The following UQCRC2 variants were observed in gnomAD, a reference collection of about 807,000 sequenced individuals.
The protein encoded by UQCRC2 is cytochrome b-c1 complex subunit 2, mitochondrial.
A neutral mutation model predicts 55.6 loss-of-function variants in UQCRC2; 49 were observed. The observed-to-expected ratio is 0.88, with a 90% CI of 0.70 to 1.12. UQCRC2 has a LOEUF of 1.12. UQCRC2 is among the 50% of genes most tolerant of loss of function. The pLI is 0.00. For missense variants in UQCRC2, 506 were observed against 547.8 expected, an observed-to-expected ratio of 0.92 and a Z score of 0.76; for synonymous variants, 193 against 192.0, an observed-to-expected ratio of 1.01 and a Z score of -0.04.
At chr16:21,969,566 A>G (rs1022750428) in intron 8 of UQCRC2, among the ~76,000 whole-genome samples, 2 of 152,112 alleles carry the variant, frequency 1.3e-5, no homozygotes, top group Non-Finnish European at 2.9e-5. Context: ...ACACTCATAG[A>G]CCCAGTGACT....
rs1159022241 is a variant in UQCRC2, at chr16:21,981,799, C to A, written c.1278+1099C>A. Among the ~76,000 whole-genome samples the A allele has an allele frequency of 2.0e-5, 3 of 151,750 alleles. No individual in the cohort carries two copies. In the East Asian group the frequency reaches 5.9e-4, roughly 30 times the overall value. The stretch of plus-strand genomic sequence containing the variant: ...AGACAAGGCTATTTTAAGATAGTAA[C>A]CCTGACTTGATTTCACTTCGCCCCA... On this transcript the variant is annotated intron_variant, in intron 13 of 13. Transcript: ENST00000268379.
chr16:21,957,132 C>A, intron 1 of UQCRC2, 103 bp from the exon 2 acceptor site: 1 of 1,073,914 alleles, frequency 9.3e-7, no homozygotes, highest in Non-Finnish European at 1.4e-6. Context: ...GCTCCTTCCA[C>A]CCCCGAACAC....
intron 4 of UQCRC2, chr16:21,959,930 A>G (rs1317223340): frequency 2.0e-5 from 3 of 152,206 alleles, no homozygotes; most frequent in Non-Finnish European, 2.9e-5. Flanking sequence ...TCAGTCAACC[A>G]TGCTATAAAC....
At chr16:21,976,376 C>A in intron 12 of UQCRC2, 133 bp downstream of exon 12, 1 of 707,358 alleles carries the variant, frequency 1.4e-6, no homozygotes, top group Non-Finnish European at 2.3e-6. Flanking sequence ...GGAAACATAC[C>A]CATATCCTAC....
At chr16:21,976,416 GC>G in intron 12 of UQCRC2, 173 bp downstream of exon 12, 1 of 568,190 alleles carries the variant, frequency 1.8e-6, no homozygotes. Flanking sequence ...TAACATTTTG[GC>G]CAGGCACAGT....
chr16:21,973,192 A>G (rs567637898), intron 10 of UQCRC2, among the ~76,000 whole-genome samples: 6 of 152,360 alleles, frequency 3.9e-5, no homozygotes, highest in South Asian at 2.1e-4. Flanking sequence ...TTTATTGTAC[A>G]TAAGAATTAC....
intron 8 of UQCRC2, among the ~76,000 whole-genome samples, chr16:21,969,423 A>G (rs1470048321): frequency 1.3e-5 from 2 of 152,110 alleles, no homozygotes; most frequent in African/African-American, 4.8e-5. Flanking sequence ...AATCCCAGCT[A>G]TCGGGGGGCT....
intron 5 of UQCRC2, 98 bp downstream of exon 5, chr16:21,962,614 A>C: frequency 6.3e-7 from 1 of 1,593,386 alleles, no homozygotes; most frequent in Non-Finnish European, 8.6e-7. Flanking sequence ...TCTGACTTCC[A>C]TTTTGGATTA....
At chr16:21,960,945 C>G (rs1471457056) in intron 4 of UQCRC2, among the ~76,000 whole-genome samples, 1 of 152,110 alleles carries the variant, frequency 6.6e-6, no homozygotes, top group African/African-American at 2.4e-5. Context: ...ATTCTTCTCC[C>G]TCCGCTTCCC....
intron 7 of UQCRC2, among the ~76,000 whole-genome samples, chr16:21,967,351 G>T (rs1483903699): frequency 6.6e-6 from 1 of 151,960 alleles, no homozygotes; most frequent in Non-Finnish European, 1.5e-5. Context: ...AGCCTTTCTA[G>T]CCATTTTTTT....
intron 11 of UQCRC2, 124 bp downstream of exon 11, chr16:21,974,100 T>C: frequency 2.6e-6 from 2 of 775,788 alleles, no homozygotes; most frequent in South Asian, 2.0e-5. Flanking sequence ...GAGCTCTGTA[T>C]AGTATGATGT....
intron 4 of UQCRC2, chr16:21,959,593 A>G (rs1431566757): frequency 6.5e-6 from 1 of 152,868 alleles, no homozygotes; most frequent in Non-Finnish European, 1.5e-5. Flanking sequence ...GTTAATGTTG[A>G]TACTTTGACA....
At chr16:21,957,729 G>C (rs774484783) in intron 3 of UQCRC2, among the ~76,000 whole-genome samples, 163 bp downstream of exon 3, 6 of 152,186 alleles carry the variant, frequency 3.9e-5, no homozygotes, top group Non-Finnish European at 7.3e-5. Flanking sequence ...TCCTGTTACA[G>C]TTCTAGAGGC....
At chr16:21,960,962 C>G (rs921995817) in intron 4 of UQCRC2, among the ~76,000 whole-genome samples, 35 of 152,226 alleles carry the variant, frequency 2.3e-4, no homozygotes, top group African/African-American at 6.7e-4. Flanking sequence ...TCCCAAGTAG[C>G]TAGGACTATA....
At position 21,976,248 on chromosome 16, in the gene UQCRC2, G is replaced by C. The variant is rs1430033430; in HGVS notation, c.1124+5G>C. The C allele has an allele frequency of 3.1e-6, 5 of 1,608,414 alleles. No individual in the cohort carries two copies. The South Asian group carries it at 5.5e-5, about 18-fold the overall frequency. ...CACAGATGTCCAAGCTGCCAAGTAA[G>C]TCTCAGTATTAACTGTGTTTTATGT... is the stretch of plus-strand genomic sequence containing the variant. On this transcript the variant is annotated splice_donor_5th_base_variant and intron_variant, in intron 12 of 13. Coordinates refer to ENST00000268379, the MANE Select transcript of UQCRC2 (RefSeq NM_003366.4).
Position 21,983,277 on chromosome 16 carries a change from G to A in UQCRC2, c.*106G>A. 1 of 1,009,590 alleles carries A rather than the reference G, an allele frequency of 9.9e-7. No homozygotes were observed. Among genetic ancestry groups the A allele is most frequent in the Non-Finnish European group, 1.5e-6 (1 of 686,106 alleles). The allele number at this position is 1,009,590 out of a possible 1,614,324, so 62.5% of individuals were successfully genotyped here. On this transcript the variant is annotated 3_prime_UTR_variant, in exon 14 of 14. Coordinates refer to ENST00000268379, the MANE Select transcript of UQCRC2 (RefSeq NM_003366.4). ...ATATATCATTTGTCTTTTTTCCAGT[G>A]AGGTAAAATAAGGCATAAATGCAGG...
intron 4 of UQCRC2, chr16:21,962,175 T>G (rs935678766): frequency 7.8e-6 from 3 of 382,306 alleles, no homozygotes; most frequent in African/African-American, 6.1e-5. Flanking sequence ...CATACAATAT[T>G]TGTCCCTTTG....
At chr16:21,957,382 A>G (rs750382567) in intron 2 of UQCRC2, 35 bp from the exon 3 acceptor site, 9 of 1,613,864 alleles carry the variant, frequency 5.6e-6, no homozygotes, top group Non-Finnish European at 7.6e-6. Context: ...TAATACGAAG[A>G]CATTCATTAT....
Position 21,962,488 on chromosome 16 carries a change from TA to T in UQCRC2, c.362del (p.Tyr121LeufsTer13). 1 of 1,614,186 alleles carries T rather than the reference TA, an allele frequency of 6.2e-7. No individual in the cohort carries two copies. Among genetic ancestry groups the T allele is most frequent in the African/African-American group, 1.3e-5 (1 of 75,058 alleles). ...GACCGCAACAAGGGAAAACATGGCT[TA>T]TACTGTGGAATGCCTGCGGGGTGAT... ...SVTATRENMA[Y>X]TVECLRGDVD... On this transcript the variant is annotated frameshift_variant, in exon 5 of 14. Coordinates refer to ENST00000268379, the MANE Select transcript of UQCRC2 (RefSeq NM_003366.4). LOFTEE classifies it high-confidence loss of function.
Sources: allele counts gnomAD v4.1 joint callset (sites outside exome capture counted in the v4.1 genomes callset), GRCh38; gene constraint gnomAD v4.1.1; transcripts MANE v1.5; gene names NCBI Gene and HGNC (gene_info 2026-07-23, HGNC 2026-07-21).